The following RARRES1 variants were observed in gnomAD, a reference collection of about 807,000 sequenced individuals.
RARRES1 encodes retinoic acid receptor responder 1, also known as retinoic acid receptor responder protein 1.
RARRES1 carries 34 observed loss-of-function variants against 30.6 expected under a neutral mutation model. The observed-to-expected ratio is 1.11, with a 90% CI of 0.84 to 1.48. RARRES1 has a LOEUF of 1.48. Among genes scored for constraint, RARRES1 ranks in the 40% most tolerant of loss-of-function variants. The pLI is 0.00. For missense variants in RARRES1, 373 were observed against 386.5 expected, an observed-to-expected ratio of 0.97 and a Z score of 0.29; for synonymous variants, 153 against 155.5, an observed-to-expected ratio of 0.98 and a Z score of 0.12.
chr3:158,724,368 T>C (rs1290688311), intron 1 of RARRES1, among the ~76,000 whole-genome samples: 1 of 152,190 alleles, frequency 6.6e-6, no homozygotes, highest in Non-Finnish European at 1.5e-5. Flanking sequence ...TTTGCCAATG[T>C]GATTAAGGAT....
chr3:158,715,768 A>G (rs954720724), intron 1 of RARRES1, among the ~76,000 whole-genome samples: 42 of 152,202 alleles, frequency 2.8e-4, no homozygotes, highest in African/African-American at 9.7e-4. Flanking sequence ...GAAACACCCA[A>G]TGAGTAGTGG....
intron 4 of RARRES1, among the ~76,000 whole-genome samples, chr3:158,703,703 T>G (rs1726811796): frequency 6.6e-6 from 1 of 152,184 alleles, no homozygotes; most frequent in Admixed American, 6.5e-5. Context: ...CAGCATTTAG[T>G]ACTACCAGCC....
At chr3:158,713,462 A>T (rs1387680650) in intron 2 of RARRES1, among the ~76,000 whole-genome samples, 3 of 152,126 alleles carry the variant, frequency 2.0e-5, no homozygotes, top group Non-Finnish European at 2.9e-5. Flanking sequence ...GTAAGTTGGC[A>T]TTTGAAAGTG....
chr3:158,710,620 C>T, intron 3 of RARRES1, 118 bp downstream of exon 3: 2 of 943,654 alleles, frequency 2.1e-6, no homozygotes, highest in South Asian at 3.5e-5. Context: ...AGGGATACCA[C>T]AATATTTAGT....
Position 158,732,170 on chromosome 3 carries a change from C to T in RARRES1, c.246G>A (p.Val82=), listed in dbSNP as rs756023432. 6.4e-6 allele frequency: 9 copies of T among 1,413,674 alleles called. No homozygotes were observed. Among genetic ancestry groups the T allele is most frequent in the African/African-American group, 1.5e-5 (1 of 66,556 alleles). 87.6% of individuals were successfully genotyped at this position (1,413,674 alleles called of 1,614,324 possible). ...FRSGSPSALR[V]LAEVQEGRAW... is the part of the protein sequence containing the mutation. ...CGCGGCCCTCCTGCACCTCGGCCAG[C>T]ACTCGTAGCGCGCTGGGCGAGCCGG... The change falls in exon 1 of 6, where the codon GTG becomes GTA. Residue 82 remains valine, a synonymous_variant. Transcript: ENST00000237696.
chr3:158,704,675 A>C (rs1726853846), intron 4 of RARRES1, 116 bp downstream of exon 4: 3 of 1,413,444 alleles, frequency 2.1e-6, no homozygotes, highest in Non-Finnish European at 2.8e-6. Flanking sequence ...ATATTTATTG[A>C]AATAAATGTG....
At chr3:158,713,173 C>T (rs1192629185) in intron 2 of RARRES1, among the ~76,000 whole-genome samples, 3 of 152,068 alleles carry the variant, frequency 2.0e-5, no homozygotes, top group Non-Finnish European at 2.9e-5. Flanking sequence ...GTCTCCTCTC[C>T]GCCCATGCTC....
intron 1 of RARRES1, among the ~76,000 whole-genome samples, chr3:158,728,180 C>G (rs1158795316): frequency 3.3e-5 from 5 of 151,354 alleles, no homozygotes; most frequent in African/African-American, 1.2e-4. Flanking sequence ...GCAATACACT[C>G]TAATCGTTTG....
At chr3:158,706,564 T>C (rs1726932064) in intron 3 of RARRES1, among the ~76,000 whole-genome samples, 1 of 152,162 alleles carries the variant, frequency 6.6e-6, no homozygotes, top group Non-Finnish European at 1.5e-5. Flanking sequence ...GTGTGGAAGA[T>C]GACTTTGACT....
intron 1 of RARRES1, among the ~76,000 whole-genome samples, chr3:158,716,723 A>G (rs2108144767): frequency 6.6e-6 from 1 of 152,060 alleles, no homozygotes; most frequent in East Asian, 1.9e-4. Flanking sequence ...AGCTGAGACT[A>G]CAGGTGCACG....
At chr3:158,700,493 A>G (rs1707932858) in intron 4 of RARRES1, among the ~76,000 whole-genome samples, 1 of 152,146 alleles carries the variant, frequency 6.6e-6, no homozygotes, top group South Asian at 2.1e-4. Context: ...TTTGATTGAG[A>G]ACTTCCTCAA....
intron 1 of RARRES1, 51 bp downstream of exon 1, chr3:158,732,089 G>A (rs1285850330): frequency 1.5e-6 from 2 of 1,294,064 alleles, no homozygotes; most frequent in Non-Finnish European, 2.0e-6. Context: ...ACCTCCCAGC[G>A]CCGTGCGCGG....
intron 2 of RARRES1, 58 bp from the exon 3 acceptor site, chr3:158,710,991 C>T: frequency 2.7e-6 from 4 of 1,475,062 alleles, no homozygotes; most frequent in South Asian, 2.3e-5. Flanking sequence ...CACACAAGCA[C>T]ACACAAGATT....
chr3:158,714,082 G>A (rs1727240222), intron 1 of RARRES1, among the ~76,000 whole-genome samples: 1 of 152,078 alleles, frequency 6.6e-6, no homozygotes, highest in East Asian at 1.9e-4. Context: ...GACTGAGAAA[G>A]GGAAATGGTT....
At chr3:158,712,234 T>C (rs1281670714) in intron 2 of RARRES1, among the ~76,000 whole-genome samples, 1 of 152,006 alleles carries the variant, frequency 6.6e-6, no homozygotes, top group East Asian at 1.9e-4. Flanking sequence ...CTGGGTGAAG[T>C]CCCAGTGAAA....
Position 158,697,599 on chromosome 3 carries a change from C to G in RARRES1, c.*79G>C, listed in dbSNP as rs1726586570. On this transcript the variant is annotated 3_prime_UTR_variant, in exon 6 of 6. Coordinates refer to ENST00000237696, the MANE Select transcript of RARRES1 (RefSeq NM_206963.2). ...TCCCAAATTATTAGAATGTCTATACCTTAGCTGTTTTACTAGAAGAATGAT... is the reference window on the plus strand; with the variant it reads ...TCCCAAATTATTAGAATGTCTATACGTTAGCTGTTTTACTAGAAGAATGAT... The G allele has an allele frequency of 7.2e-7, 1 of 1,397,322 alleles. No homozygotes were observed. Among genetic ancestry groups the G allele is most frequent in the African/African-American group, 1.5e-5 (1 of 68,536 alleles). The allele number at this position is 1,397,322 out of a possible 1,614,324, so 86.6% of individuals were successfully genotyped here.
At position 158,697,048 on chromosome 3, in the gene RARRES1, A is replaced by T. The variant is rs1726568734; in HGVS notation, c.*630T>A. ...CAATATTACCATTTCATTTAATTCC[A>T]GTTTAGCACAAATTTTTCCTTTGTA... is the stretch of plus-strand genomic sequence containing the variant. On this transcript the variant is annotated 3_prime_UTR_variant, in exon 6 of 6. Transcript: ENST00000237696. 6.6e-6 allele frequency: 1 copy of T among 152,340 alleles called. No homozygotes were observed. The highest frequency in any genetic ancestry group is 1.5e-5 in the Non-Finnish European group (1 of 68,034). The allele number at this position is 152,340 out of a possible 1,614,324, so 9.4% of individuals were successfully genotyped here.
Position 158,732,285 on chromosome 3 carries a change from T to TCGGGGCCC in RARRES1, c.130_131insGGGCCCCG (p.Asp44GlyfsTer103), listed in dbSNP as rs773858464. 1.0e-3 allele frequency: 1,364 copies of TCGGGGCCC among 1,349,774 alleles called. 16 individuals carry two copies. The African/African-American group carries it at 0.02, about 20-fold the overall frequency. The allele number at this position is 1,349,774 out of a possible 1,614,324, so 83.6% of individuals were successfully genotyped here. On this transcript the variant is annotated frameshift_variant, in exon 1 of 6. Coordinates refer to ENST00000237696, the MANE Select transcript of RARRES1 (RefSeq NM_206963.2). LOFTEE classifies it high-confidence loss of function. ...AGCATCCTGAGGCTGCCCAGGGTCG[T>TCGGGGCCC]CGGGGTCCCCGGACCCCGCGGGCGC...
In RARRES1 at chr3:158,732,290, GT is replaced by G; in HGVS notation, c.125del (p.Asp42AlafsTer102). 1 of 1,347,862 alleles carries G rather than the reference GT, an allele frequency of 7.4e-7. No individual in the cohort carries two copies. 83.5% of individuals were successfully genotyped at this position (1,347,862 alleles called of 1,614,324 possible). A position where few individuals can be genotyped will look rare whatever the true frequency, so the allele number is the denominator to read the frequency against. On this transcript the variant is annotated frameshift_variant, in exon 1 of 6. Coordinates refer to ENST00000237696, the MANE Select transcript of RARRES1 (RefSeq NM_206963.2). LOFTEE classifies it high-confidence loss of function. ...CCTGAGGCTGCCCAGGGTCGTCGGG[GT>G]CCCCGGACCCCGCGGGCGCCGCCAC... ...APVAAPAGSG[D>X]PDDPGQPQDA...
Sources: allele counts gnomAD v4.1 joint callset (sites outside exome capture counted in the v4.1 genomes callset), GRCh38; gene constraint gnomAD v4.1.1; transcripts MANE v1.5; gene names NCBI Gene and HGNC (gene_info 2026-07-23, HGNC 2026-07-21).